KIAA0586: variants seen among roughly 807,000 people sequenced by gnomAD.
The protein encoded by KIAA0586 is KIAA0586.
A neutral mutation model predicts 169.8 loss-of-function variants in KIAA0586; 144 were observed. The ratio of observed to expected loss-of-function variants is 0.85; its 90% CI spans 0.74 to 0.97. The LOEUF is 0.97. Among genes scored for constraint, KIAA0586 ranks in the 50% least tolerant of loss-of-function variants. The pLI is 0.00. For synonymous variants in KIAA0586, 625 were observed against 612.4 expected (o/e 1.02, Z -0.30); for missense variants, 1,854 against 1,823.0 (o/e 1.02, Z -0.31).
chr14:58,471,202 C>G (rs905673097), intron 17 of KIAA0586, among the ~76,000 whole-genome samples: 3 of 152,150 alleles, frequency 2.0e-5, no homozygotes, highest in Non-Finnish European at 4.4e-5. Flanking sequence ...CAGATCCTTA[C>G]ATTTATAACT....
intron 29 of KIAA0586, among the ~76,000 whole-genome samples, chr14:58,524,964 C>T (rs2045476653): frequency 6.6e-6 from 1 of 152,122 alleles, no homozygotes; most frequent in African/African-American, 2.4e-5. Flanking sequence ...CTTGGCCTCC[C>T]AAAGTGCTAG....
intron 17 of KIAA0586, among the ~76,000 whole-genome samples, 172 bp from the exon 18 acceptor site, chr14:58,472,027 G>A (rs1464683160): frequency 1.9e-4 from 29 of 152,096 alleles, no homozygotes; most frequent in Admixed American, 1.9e-3. Flanking sequence ...TAATGGCTTG[G>A]GGACTAGCTT....
rs546001950 is a variant in KIAA0586, at chr14:58,435,884, T to A, written c.410+3427T>A. Among the ~76,000 whole-genome samples the A allele has an allele frequency of 4.7e-4, 71 of 152,266 alleles. 1 individual carries two copies. The highest frequency in any genetic ancestry group is 6.8e-3 in the Middle Eastern group (2 of 294). ...CACCATGCCCGGCTGATTTTTTGTA[T>A]TTTTAGTAGAGACGGGGTTTTGCCA... On this transcript the variant is annotated intron_variant, in intron 4 of 30. Transcript: ENST00000652326.
Position 58,550,345 on chromosome 14 carries a change from C to T in KIAA0586, c.*2413C>T, listed in dbSNP as rs1275780551. 6.6e-6 allele frequency: 1 copy of T among 152,156 alleles called. No homozygotes were observed. Among genetic ancestry groups the T allele is most frequent in the Non-Finnish European group, 1.5e-5 (1 of 68,044 alleles). The allele number at this position is 152,156 out of a possible 1,614,324, so 9.4% of individuals were successfully genotyped here. A position where few individuals can be genotyped will look rare whatever the true frequency, so the allele number is the denominator to read the frequency against. ...AGGATTATTTCTGTTCATGGTTACT[C>T]CTGTACACATTCCTCTGCCAACCAC... On this transcript the variant is annotated 3_prime_UTR_variant, in exon 31 of 31. Transcript: ENST00000652326.
the KIAA0586 span, among the ~76,000 whole-genome samples, chr14:58,556,840 G>C: frequency 9.9e-5 from 15 of 152,222 alleles, no homozygotes; most frequent in African/African-American, 3.4e-4. Flanking sequence ...CCACCTCCTG[G>C]GTTCAGGCGA....
intron 30 of KIAA0586, 96 bp from the exon 31 acceptor site, chr14:58,547,684 GC>G: frequency 2.0e-5 from 19 of 946,910 alleles, no homozygotes; most frequent in East Asian, 3.1e-5. Flanking sequence ...TGGAATCCGC[GC>G]CCCCCCACCC....
intron 19 of KIAA0586, 136 bp from the exon 20 acceptor site, chr14:58,476,987 T>C: frequency 1.8e-6 from 1 of 555,748 alleles, no homozygotes; most frequent in South Asian, 2.6e-5. Flanking sequence ...AGATTTAACT[T>C]TCAGAATGAC....
intron 28 of KIAA0586, among the ~76,000 whole-genome samples, chr14:58,511,435 A>G (rs569099327): frequency 1.3e-5 from 2 of 152,318 alleles, no homozygotes; most frequent in East Asian, 1.9e-4. Flanking sequence ...GAGCAGTTAA[A>G]TAACTTGCCC....
chr14:58,498,751 A>G, intron 26 of KIAA0586, 32 bp from the exon 27 acceptor site: 3 of 1,557,240 alleles, frequency 1.9e-6, no homozygotes, highest in African/African-American at 1.4e-5. Context: ...TTTTAATATA[A>G]TGGTTTTAAC....
chr14:58,535,852 A>G (rs1207730179), intron 29 of KIAA0586, among the ~76,000 whole-genome samples: 3 of 152,040 alleles, frequency 2.0e-5, no homozygotes, highest in Non-Finnish European at 4.4e-5. Context: ...TAAAAAATTC[A>G]CATTTTGGGG....
At chr14:58,519,142 C>CCAAAA (rs1409221640) in intron 29 of KIAA0586, among the ~76,000 whole-genome samples, 3 of 152,140 alleles carry the variant, frequency 2.0e-5, no homozygotes, top group Non-Finnish European at 4.4e-5. Flanking sequence ...AAAACCAAAA[C>CCAAAA]CAAAACAAAA....
At chr14:58,543,573 A>G (rs2046800164) in intron 30 of KIAA0586, among the ~76,000 whole-genome samples, 1 of 152,152 alleles carries the variant, frequency 6.6e-6, no homozygotes. Flanking sequence ...GGCCATTCCT[A>G]AGTGACCTGA....
In KIAA0586 at chr14:58,497,677, C is replaced by G. The variant is rs141319634; in HGVS notation, c.3991-1106C>G. 4.5e-4 allele frequency among the ~76,000 whole-genome samples: 69 copies of G among 151,766 alleles called. No homozygotes were observed. The East Asian group carries it at 0.01, about 23-fold the overall frequency. On this transcript the variant is annotated intron_variant, in intron 26 of 30. Transcript: ENST00000652326. The stretch of plus-strand genomic sequence containing the variant: ...CAGGCCTCTATACTTTTATAAAAAT[C>G]TTATTATTGATATATGGGGTAACCT...
chr14:58,527,953 A>G (rs2045703019), intron 29 of KIAA0586, among the ~76,000 whole-genome samples: 1 of 152,216 alleles, frequency 6.6e-6, no homozygotes, highest in Non-Finnish European at 1.5e-5. Flanking sequence ...TGCTGTATTC[A>G]GGAGACCCAT....
At chr14:58,483,309 AT>A (rs1314244693) in intron 21 of KIAA0586, among the ~76,000 whole-genome samples, 2 of 152,176 alleles carry the variant, frequency 1.3e-5, no homozygotes, top group Non-Finnish European at 2.9e-5. Flanking sequence ...ATATTTATTG[AT>A]TGATAATATT....
chr14:58,435,993 C>T (rs116770750), intron 4 of KIAA0586, among the ~76,000 whole-genome samples: 108 of 152,160 alleles, frequency 7.1e-4, no homozygotes, highest in African/African-American at 2.3e-3. Flanking sequence ...ACAGGCTTGA[C>T]CCATCGTGCC....
rs1253912120 is a variant in KIAA0586, at chr14:58,527,535, A to G, written c.4430-12536A>G. 2.6e-5 allele frequency among the ~76,000 whole-genome samples: 4 copies of G among 152,186 alleles called. No individual in the cohort carries two copies. The East Asian group carries it at 5.8e-4, about 22-fold the overall frequency. On this transcript the variant is annotated intron_variant, in intron 29 of 30. Coordinates refer to ENST00000652326, the MANE Select transcript of KIAA0586 (RefSeq NM_001329943.3). ...GCGGAAACCCTACAAGCCAGAAGAG[A>G]ATGGGGGGCCAATATTCAGCAGTCT...
At chr14:58,478,513 G>A (rs112039451) in intron 20 of KIAA0586, among the ~76,000 whole-genome samples, 1 of 152,072 alleles carries the variant, frequency 6.6e-6, no homozygotes, top group African/African-American at 2.4e-5. Flanking sequence ...AATCAATTTG[G>A]TAGAGATGGG....
intron 29 of KIAA0586, among the ~76,000 whole-genome samples, chr14:58,527,436 T>C (rs1366079499): frequency 6.6e-5 from 10 of 151,804 alleles, no homozygotes. Flanking sequence ...AAGGAAAAAA[T>C]GTTAAGGGCA....
Sources: allele counts gnomAD v4.1 joint callset (sites outside exome capture counted in the v4.1 genomes callset), GRCh38; gene constraint gnomAD v4.1.1; transcripts MANE v1.5; gene names NCBI Gene and HGNC (gene_info 2026-07-23, HGNC 2026-07-21).